The following TNS2 variants were observed in gnomAD, a reference collection of about 807,000 sequenced individuals.
TNS2 encodes the protein tensin-2.
A neutral mutation model predicts 155.7 loss-of-function variants in TNS2; 77 were observed. The ratio of observed to expected loss-of-function variants is 0.49; its 90% confidence interval spans 0.41 to 0.60. The LOEUF is 0.60. Among genes scored for constraint, TNS2 ranks in the 20% least tolerant of loss-of-function variants. The pLI, the probability that TNS2 is intolerant of heterozygous loss-of-function variation, is 0.00. For missense variants in TNS2, 1,703 were observed against 1,868.8 expected (o/e 0.91, Z 1.64); for synonymous variants, 726 against 763.9 (o/e 0.95, Z 0.82).
At chr12:53,049,435 A>G (rs773909081), upstream of TNS2, among the ~76,000 whole-genome samples, 17 of 152,196 alleles carry the variant, frequency 1.1e-4, no homozygotes, top group Non-Finnish European at 1.5e-5. Flanking sequence ...GAAGGGCCTC[A>G]TATGCCTTAG....
At chr12:53,056,032 C>T (rs910816124) in intron 10 of TNS2, 187 bp downstream of exon 10, 2 of 622,318 alleles carry the variant, frequency 3.2e-6, no homozygotes, top group Non-Finnish European at 5.4e-6. Context: ...GTAGAGTTTC[C>T]TGGGGCAGCC....
chr12:53,059,735 G>A lies in TNS2; in HGVS notation c.2094G>A (p.Ala698=), dbSNP rs750361084. Residue 698 remains alanine, a synonymous_variant, in exon 18 of 29, where the codon GCG becomes GCA. Coordinates refer to ENST00000314250, the MANE Select transcript of TNS2 (RefSeq NM_170754.4). The surrounding 1 kb of genome is among the most constrained non-coding windows in gnomAD (Gnocchi z 4.7). ...GCCCAGCCTGCGAGGAGAAGCTGGC[G>A]CTGCCTACAGCAGCCTTGTATGGAC... ...YPCPACEEKL[A]LPTAALYGLR... 36 of 1,612,834 alleles carry A rather than the reference G, an allele frequency of 2.2e-5. No homozygotes were observed. The highest frequency in any genetic ancestry group is 1.6e-4 in the Middle Eastern group (1 of 6,082).
In TNS2 at chr12:53,060,022, C is replaced by T. The variant is rs1337805970; in HGVS notation, c.2381C>T (p.Ala794Val). ...PALVTYSYGG[A>V]VPSYCPAYGR... is the part of the protein sequence containing the mutation. ...CTGGTGACATACAGCTATGGAGGAG[C>T]AGTTCCCAGTTACTGCCCAGCATAT... The change falls in exon 18 of 29, where the codon GCA (alanine) becomes GTA (valine). Residue 794 changes from alanine (A) to valine (V), a missense_variant. Transcript: ENST00000314250. This position sits in a 1 kb window ranked among gnomAD's most constrained non-coding sequence, Gnocchi z 6.1. The T allele has an allele frequency of 1.2e-6, 2 of 1,613,424 alleles. No individual in the cohort carries two copies. The highest frequency in any genetic ancestry group is 1.7e-6 in the Non-Finnish European group (2 of 1,179,966).
intron 12 of TNS2, 44 bp from the exon 13 acceptor site, chr12:53,057,729 C>T (rs368240079): frequency 6.2e-7 from 1 of 1,614,054 alleles, no homozygotes. Flanking sequence ...TTCAGGCCCT[C>T]TCCACTCAGC....
At chr12:53,049,602 C>T (rs2121046540), upstream of TNS2, among the ~76,000 whole-genome samples, 1 of 152,218 alleles carries the variant, frequency 6.6e-6, no homozygotes, top group Middle Eastern at 3.4e-3. Context: ...AGGGGGCCCC[C>T]AGTCCCATTT....
rs753234564 is a variant in TNS2 at position 53,054,301 on chromosome 12, C to T, written c.382C>T (p.Arg128Cys). 1 of 1,613,276 alleles carries T rather than the reference C, an allele frequency of 6.2e-7. No individual in the cohort carries two copies. The highest frequency in any genetic ancestry group is 8.5e-7 in the Non-Finnish European group (1 of 1,179,910). ...SFSLDPLMER[R>C]WDLDLTYVTE... ...CAGCCTGGACCCGCTCATGGAGCGG[C>T]GCTGGGACTTAGACCTCACCTACGT... is the stretch of plus-strand genomic sequence containing the variant. The change falls in exon 7 of 29, where the codon CGC (arginine) becomes TGC (cysteine). Residue 128 changes from arginine (R) to cysteine (C), a missense_variant. Transcript: ENST00000314250.
At chr12:53,056,158 C>T (rs756769583) in intron 10 of TNS2, 2 of 229,438 alleles carry the variant, frequency 8.7e-6, no homozygotes, top group Non-Finnish European at 1.7e-5. Context: ...GAGTTTGAAA[C>T]TAGCCTGGCC....
intron 17 of TNS2, 33 bp downstream of exon 17, chr12:53,058,860 G>A (rs1227256132): frequency 1.4e-5 from 23 of 1,606,150 alleles, no homozygotes; most frequent in Non-Finnish European, 2.0e-5. Context: ...GGGAGGTACA[G>A]GGTTGTGGCG....
In TNS2 at chr12:53,055,615, G is replaced by C; in HGVS notation, c.621G>C (p.Lys207Asn). 4.3e-6 allele frequency: 7 copies of C among 1,613,824 alleles called. No homozygotes were observed. The highest frequency in any genetic ancestry group is 5.9e-6 in the Non-Finnish European group (7 of 1,179,782). The change falls in exon 9 of 29, where the codon AAG becomes AAC. Residue 207 changes from lysine to asparagine, a missense_variant. By Grantham distance (94) the Lys-to-Asn change is moderately conservative (BLOSUM62 0). Transcript: ENST00000314250. ...WPELHAPPLD[K>N]LCSICKAMET... ...AGCTGCATGCTCCACCCCTGGACAA[G>C]CTGTGCTCCATCTGCAAAGCCATGG...
rs781592680 is a variant in TNS2 at position 53,063,138 on chromosome 12, C to A, written c.3873C>A (p.Gly1291=). 10 of 1,600,748 alleles carry A rather than the reference C, an allele frequency of 6.2e-6. No individual in the cohort carries two copies. The highest frequency in any genetic ancestry group is 1.1e-5 in the South Asian group (1 of 89,168). Reference sequence around the variant, plus strand: ...CAGTGGAGACAGAGTCACTGACGGGCCCCCAAGCTGTGGCCCGGGCCAGCT... The same window carrying A: ...CAGTGGAGACAGAGTCACTGACGGGACCCCAAGCTGTGGCCCGGGCCAGCT... ...LTSVETESLT[G]PQAVARASSA... is the part of the protein sequence containing the mutation. The change falls in exon 26 of 29, where the codon GGC becomes GGA. Residue 1291 remains glycine, a synonymous_variant. Transcript: ENST00000314250. The surrounding 1 kb of genome is among the most constrained non-coding windows in gnomAD (Gnocchi z 5.6).
chr12:53,060,090 G>A lies in TNS2; in HGVS notation c.2449G>A (p.Gly817Arg), dbSNP rs1195594657. Reference sequence around the variant, plus strand: ...CTGTGGCTCTCCAGGAGAGGGCAGAGGGTATCCCAGCCCTGGTGCCCACTC... The same window carrying A: ...CTGTGGCTCTCCAGGAGAGGGCAGAAGGTATCCCAGCCCTGGTGCCCACTC... ...HSCGSPGEGRGYPSPGAHSPR... is the reference protein window; with the variant it reads ...HSCGSPGEGRRYPSPGAHSPR... Residue 817 changes from glycine to arginine, a missense_variant, in exon 18 of 29, where the codon GGG becomes AGG. Gly to Arg is a moderately radical substitution (Grantham distance 125). Transcript: ENST00000314250. The surrounding 1 kb of genome is among the most constrained non-coding windows in gnomAD (Gnocchi z 6.1). 6.2e-7 allele frequency: 1 copy of A among 1,611,690 alleles called. No homozygotes were observed. The highest frequency in any genetic ancestry group is 1.7e-5 in the Admixed American group (1 of 59,904).
At chr12:53,055,498 C>A in intron 8 of TNS2, 70 bp from the exon 9 acceptor site, 1 of 1,539,924 alleles carries the variant, frequency 6.5e-7, no homozygotes. Context: ...TGCCCTGTCC[C>A]CTTTCCACCC....
chr12:53,060,922 C>G lies in TNS2; in HGVS notation c.3016C>G (p.Pro1006Ala), dbSNP rs1592256992. ...SDGASPRSPV[P>A]TTLPGLRHAP... Reference sequence around the variant, plus strand: ...TGGCGCCAGTCCTCGGAGCCCTGTGCCCACCACACTTCCTGGCCTCCGCCA... The same window carrying G: ...TGGCGCCAGTCCTCGGAGCCCTGTGGCCACCACACTTCCTGGCCTCCGCCA... Residue 1006 changes from proline (P) to alanine (A), a missense_variant, in exon 20 of 29, where the codon CCC becomes GCC. Physicochemically the swap from Pro to Ala is conservative, Grantham distance 27. Transcript: ENST00000314250. The surrounding 1 kb of genome is among the most constrained non-coding windows in gnomAD (Gnocchi z 6.1). 1.3e-6 allele frequency: 2 copies of G among 1,596,156 alleles called. No homozygotes were observed. Among genetic ancestry groups the G allele is most frequent in the African/African-American group, 1.3e-5 (1 of 74,564 alleles).
At chr12:53,061,350 G>T in intron 20 of TNS2, 30 bp from the exon 21 acceptor site, 1 of 1,613,536 alleles carries the variant, frequency 6.2e-7, no homozygotes, top group Non-Finnish European at 8.5e-7. Flanking sequence ...GGGTACCCTG[G>T]GGTCTGAACC....
At chr12:53,062,011 C>T (rs890658938) in intron 22 of TNS2, 71 bp downstream of exon 22, 1 of 1,610,606 alleles carries the variant, frequency 6.2e-7, no homozygotes, top group Non-Finnish European at 8.5e-7. Flanking sequence ...GGTAACAGGG[C>T]AGGTGGGGGT....
At position 53,059,254 on chromosome 12, in the gene TNS2, G is replaced by A. The variant is rs757424331; in HGVS notation, c.1613G>A (p.Arg538Gln). The change falls in exon 18 of 29, where the codon CGG becomes CAG. Residue 538 changes from arginine to glutamine, a missense_variant. By Grantham distance (43) the Arg-to-Gln change is conservative (BLOSUM62 1). Transcript: ENST00000314250. The surrounding 1 kb of genome is among the most constrained non-coding windows in gnomAD (Gnocchi z 4.7). ...CGGCCGCCCCCTACAGCTGCTGAACGGCAGGAGCTGGATCGCCTCCTAGGA... is the reference window on the plus strand; with the variant it reads ...CGGCCGCCCCCTACAGCTGCTGAACAGCAGGAGCTGGATCGCCTCCTAGGA... ...PGRPPPTAAE[R>Q]QELDRLLGGC... is the part of the protein sequence containing the mutation. 36 of 1,518,144 alleles carry A rather than the reference G, an allele frequency of 2.4e-5. No individual in the cohort carries two copies. Among genetic ancestry groups the A allele is most frequent in the Admixed American group, 4.5e-5 (2 of 44,294 alleles). The allele number at this position is 1,518,144 out of a possible 1,614,324, so 94.0% of individuals were successfully genotyped here. A position where few individuals can be genotyped will look rare whatever the true frequency, so the allele number is the denominator to read the frequency against.
Position 53,055,790 on chromosome 12 carries a change from G to A in TNS2, c.706G>A (p.Gly236Ser), listed in dbSNP as rs1160584480. The change falls in exon 10 of 29, where the codon GGC becomes AGC. Residue 236 changes from glycine (G) to serine (S), a missense_variant. Gly to Ser is a moderately conservative substitution (Grantham distance 56, BLOSUM62 0). Transcript: ENST00000314250. ...VVVLYCKGNK[G>S]KLGVIVSAYM... Reference sequence around the variant, plus strand: ...TCTCTCTGTCTGTCAGGGAAACAAGGGCAAGCTTGGGGTCATCGTTTCTGC... The same window carrying A: ...TCTCTCTGTCTGTCAGGGAAACAAGAGCAAGCTTGGGGTCATCGTTTCTGC... 3.7e-6 allele frequency: 6 copies of A among 1,614,056 alleles called. No homozygotes were observed. The highest frequency in any genetic ancestry group is 1.3e-5 in the African/African-American group (1 of 74,914).
intron 7 of TNS2, 25 bp downstream of exon 7, chr12:53,054,466 C>G: frequency 3.8e-6 from 6 of 1,577,128 alleles, no homozygotes; most frequent in Non-Finnish European, 5.1e-6. Context: ...CATCAGGAGT[C>G]CGCCAATGAG....
chr12:53,047,508 C>G (rs1367237808), upstream of TNS2, among the ~76,000 whole-genome samples: 1 of 148,536 alleles, frequency 6.7e-6, no homozygotes, highest in East Asian at 2.0e-4. Context: ...CGGCCCAGGG[C>G]TGGGGCCGGG....
Sources: allele counts gnomAD v4.1 joint callset (sites outside exome capture counted in the v4.1 genomes callset), GRCh38; gene constraint gnomAD v4.1.1; non-coding constraint Gnocchi (gnomAD v3.1); transcripts MANE v1.5; gene names NCBI Gene and HGNC (gene_info 2026-07-23, HGNC 2026-07-21).